The following TMEM39A variants were observed in gnomAD, a reference collection of about 807,000 sequenced individuals.
TMEM39A encodes transmembrane protein 39A.
A neutral mutation model predicts 51.9 loss-of-function variants in TMEM39A; 19 were observed. The observed-to-expected ratio is 0.37, with a 90% CI of 0.26 to 0.54. TMEM39A has a LOEUF of 0.54. TMEM39A is among the 20% of genes least tolerant of loss of function. TMEM39A has a pLI of 0.88. For missense variants in TMEM39A, 433 were observed against 590.5 expected (o/e 0.73, Z 2.76); for synonymous variants, 197 against 220.2 (o/e 0.89, Z 0.93).
intron 5 of TMEM39A, among the ~76,000 whole-genome samples, chr3:119,444,709 A>G (rs2081099823): frequency 6.6e-6 from 1 of 152,208 alleles, no homozygotes; most frequent in Non-Finnish European, 1.5e-5. Flanking sequence ...ACAACTTGCT[A>G]GGTCCTACTT....
chr3:119,441,266 T>C (rs1440274330), intron 5 of TMEM39A, among the ~76,000 whole-genome samples: 15 of 152,176 alleles, frequency 9.9e-5, no homozygotes, highest in Admixed American at 7.2e-4. Context: ...TGAGAAAACA[T>C]GTCAAAAGCC....
chr3:119,451,496 TA>T (rs1419276322), intron 4 of TMEM39A, among the ~76,000 whole-genome samples: 1 of 152,218 alleles, frequency 6.6e-6, no homozygotes. Flanking sequence ...AACAATATTT[TA>T]AGAAAGCACA....
chr3:119,438,207 A>G (rs1182916324), intron 5 of TMEM39A, 104 bp from the exon 6 acceptor site: 1 of 818,288 alleles, frequency 1.2e-6, no homozygotes, highest in African/African-American at 1.7e-5. Context: ...AATAGTCAGG[A>G]CCCGCAGGAG....
chr3:119,436,566 G>T (rs1259083020), intron 7 of TMEM39A: 1 of 464,758 alleles, frequency 2.2e-6, no homozygotes, highest in South Asian at 3.1e-5. Flanking sequence ...ACACACTAGA[G>T]TGACTGGGCA....
Position 119,436,962 on chromosome 3 carries a change from TCATA to T in TMEM39A, c.937_940del (p.Tyr313ThrfsTer105). The T allele has an allele frequency of 6.2e-7, 1 of 1,613,538 alleles. No homozygotes were observed. Among genetic ancestry groups the T allele is most frequent in the South Asian group, 1.1e-5 (1 of 91,044 alleles). On this transcript the variant is annotated frameshift_variant, in exon 7 of 9. Coordinates refer to ENST00000319172, the MANE Select transcript of TMEM39A (RefSeq NM_018266.3). LOFTEE classifies it high-confidence loss of function. ...GAGGTGCTCACATGACCAGCGCATG[TCATA>T]GTACTGGGTACTCTGGAAGAGATCA...
intron 5 of TMEM39A, among the ~76,000 whole-genome samples, chr3:119,446,294 A>G (rs1456413027): frequency 6.6e-6 from 1 of 152,202 alleles, no homozygotes; most frequent in Non-Finnish European, 1.5e-5. Context: ...TTGGAGCCAT[A>G]TTAAGTAAAA....
In TMEM39A at chr3:119,429,070, C is replaced by G. The variant is rs889336707; in HGVS notation, c.*2911G>C. On this transcript the variant is annotated 3_prime_UTR_variant, in exon 9 of 9. Coordinates refer to ENST00000319172, the MANE Select transcript of TMEM39A (RefSeq NM_018266.3). ...GTTAATGAACACCCTAGTGTGACAA[C>G]TGGTTTACTTGTCTGTCTTCTATTA... 5.9e-5 allele frequency among the ~76,000 whole-genome samples: 9 copies of G among 152,002 alleles called. No homozygotes were observed. The highest frequency in any genetic ancestry group is 2.2e-4 in the African/African-American group (9 of 41,410).
intron 7 of TMEM39A, chr3:119,436,003 C>T: frequency 1.7e-6 from 2 of 1,162,818 alleles, no homozygotes; most frequent in South Asian, 1.3e-5. Flanking sequence ...GGGAAGGTCA[C>T]CTCAATCTGT....
intron 4 of TMEM39A, chr3:119,451,364 T>C (rs1232091736): frequency 7.2e-6 from 8 of 1,117,258 alleles, no homozygotes; most frequent in Non-Finnish European, 9.6e-6. Context: ...CAATTATTTG[T>C]GATTATAGTA....
At chr3:119,438,553 T>C (rs2081006962) in intron 5 of TMEM39A, among the ~76,000 whole-genome samples, 1 of 152,224 alleles carries the variant, frequency 6.6e-6, no homozygotes, top group African/African-American at 2.4e-5. Flanking sequence ...TAGTGAGTAT[T>C]TTCTCAAGTC....
At chr3:119,440,162 G>T (rs976864401) in intron 5 of TMEM39A, among the ~76,000 whole-genome samples, 16 of 151,836 alleles carry the variant, frequency 1.1e-4, no homozygotes, top group African/African-American at 3.9e-4. Context: ...AACACAAGCT[G>T]CATGTGTAGG....
chr3:119,461,503 A>G (rs766521526), intron 2 of TMEM39A, among the ~76,000 whole-genome samples: 3 of 152,248 alleles, frequency 2.0e-5, no homozygotes, highest in Non-Finnish European at 4.4e-5. Flanking sequence ...TTGAACTGCT[A>G]CATTATCAAA....
At chr3:119,459,622 C>T (rs932153852) in intron 2 of TMEM39A, among the ~76,000 whole-genome samples, 1 of 152,118 alleles carries the variant, frequency 6.6e-6, no homozygotes, top group African/African-American at 2.4e-5. Flanking sequence ...TACACTGTTG[C>T]AAGAACAAAT....
Position 119,429,920 on chromosome 3 carries a change from C to G in TMEM39A, c.*2061G>C, listed in dbSNP as rs1206451524. The G allele has an allele frequency of 1.3e-5, 2 of 152,134 alleles. No individual in the cohort carries two copies. The allele number at this position is 152,134 out of a possible 1,614,324, so 9.4% of individuals were successfully genotyped here. A position where few individuals can be genotyped will look rare whatever the true frequency, so the allele number is the denominator to read the frequency against. Reference sequence around the variant, plus strand: ...AGTTCATAAGACTGGTCTGTTATCTCTAATCAGGGTTTTCTGGGTTACTTT... The same window carrying G: ...AGTTCATAAGACTGGTCTGTTATCTGTAATCAGGGTTTTCTGGGTTACTTT... On this transcript the variant is annotated 3_prime_UTR_variant, in exon 9 of 9. Coordinates refer to ENST00000319172, the MANE Select transcript of TMEM39A (RefSeq NM_018266.3).
intron 4 of TMEM39A, among the ~76,000 whole-genome samples, chr3:119,452,113 A>C (rs2081208436): frequency 1.3e-5 from 2 of 152,214 alleles, no homozygotes; most frequent in Admixed American, 1.3e-4. Context: ...TTTTAGGTGC[A>C]ATTGTATGTG....
intron 2 of TMEM39A, among the ~76,000 whole-genome samples, chr3:119,460,238 G>A (rs576045438): frequency 2.0e-5 from 3 of 152,144 alleles, no homozygotes; most frequent in African/African-American, 7.2e-5. Context: ...GGAGAGAAAG[G>A]CAGATTAAAG....
chr3:119,435,615 C>T (rs112800945), intron 7 of TMEM39A: 29 of 983,460 alleles, frequency 2.9e-5, no homozygotes, highest in Non-Finnish European at 3.0e-5. Context: ...TTCATCTCTT[C>T]CTGATTTTGG....
chr3:119,461,373 C>A (rs1008862360), intron 2 of TMEM39A, among the ~76,000 whole-genome samples: 3 of 152,136 alleles, frequency 2.0e-5, no homozygotes, highest in Admixed American at 2.0e-4. Context: ...TACAGTAGTA[C>A]TGATTGCTAG....
chr3:119,442,694 T>C (rs1007471220), intron 5 of TMEM39A, among the ~76,000 whole-genome samples: 4 of 152,090 alleles, frequency 2.6e-5, no homozygotes, highest in Non-Finnish European at 5.9e-5. Flanking sequence ...ATGGATGACT[T>C]TGAGAGGTTC....
Sources: allele counts gnomAD v4.1 joint callset (sites outside exome capture counted in the v4.1 genomes callset), GRCh38; gene constraint gnomAD v4.1.1; transcripts MANE v1.5; gene names NCBI Gene and HGNC (gene_info 2026-07-23, HGNC 2026-07-21).